Variants in GPD1L observed in about 807,000 individuals in gnomAD.
GPD1L encodes the protein glycerol-3-phosphate dehydrogenase 1 like, also known as glycerol-3-phosphate dehydrogenase 1-like protein.
GPD1L carries 17 observed loss-of-function variants against 32.9 expected under a neutral mutation model. The ratio of observed to expected loss-of-function variants is 0.52; its 90% CI spans 0.35 to 0.78. The LOEUF is 0.78. Among genes scored for constraint, GPD1L ranks in the 30% least tolerant of loss-of-function variants. GPD1L has a pLI of 0.01. For missense variants in GPD1L, 361 were observed against 447.8 expected, an observed-to-expected ratio of 0.81 and a Z score of 1.75; for synonymous variants, 187 against 165.9, an observed-to-expected ratio of 1.13 and a Z score of -0.98.
At chr3:32,133,795 A>G (rs1011574823) in intron 2 of GPD1L, among the ~76,000 whole-genome samples, 7 of 152,244 alleles carry the variant, frequency 4.6e-5, no homozygotes, top group East Asian at 3.8e-4. Flanking sequence ...CTAACAGGTA[A>G]AAGCTCATTG....
chr3:32,143,802 C>A (rs763348919), intron 4 of GPD1L, among the ~76,000 whole-genome samples: 1 of 151,766 alleles, frequency 6.6e-6, no homozygotes, highest in Admixed American at 6.6e-5. Flanking sequence ...ACATGACAAG[C>A]GAAACCTCAT....
At chr3:32,158,481 T>A in intron 5 of GPD1L, 1 of 310,722 alleles carries the variant, frequency 3.2e-6, no homozygotes, top group South Asian at 3.0e-5. Flanking sequence ...TGAAAATTCT[T>A]CAATCCGTGC....
intron 1 of GPD1L, among the ~76,000 whole-genome samples, chr3:32,118,686 A>G (rs551682289): frequency 3.9e-5 from 6 of 152,334 alleles, no homozygotes; most frequent in African/African-American, 1.2e-4. Context: ...ATTGAAAACA[A>G]TGAAAATATT....
chr3:32,115,005 T>C (rs1204181628), intron 1 of GPD1L, among the ~76,000 whole-genome samples: 1 of 152,178 alleles, frequency 6.6e-6, no homozygotes, highest in African/African-American at 2.4e-5. Flanking sequence ...GCAAGATTTA[T>C]TGTGAAGAGC....
At chr3:32,127,768 A>G (rs1700532005) in intron 1 of GPD1L, among the ~76,000 whole-genome samples, 1 of 152,034 alleles carries the variant, frequency 6.6e-6, no homozygotes. Flanking sequence ...GGTCATTTTC[A>G]TGCTTTGGGG....
intron 1 of GPD1L, among the ~76,000 whole-genome samples, chr3:32,109,418 C>A (rs1015734553): frequency 7.9e-5 from 12 of 152,174 alleles, no homozygotes; most frequent in Admixed American, 2.6e-4. Context: ...CCCGTGGCTT[C>A]TTCATTCTGG....
intron 5 of GPD1L, among the ~76,000 whole-genome samples, chr3:32,148,135 A>G (rs2125491569): frequency 6.6e-6 from 1 of 152,338 alleles, no homozygotes; most frequent in South Asian, 2.1e-4. Flanking sequence ...AGCAGGGGGC[A>G]TCGTGAATGC....
intron 1 of GPD1L, among the ~76,000 whole-genome samples, chr3:32,115,752 G>A (rs1442939871): frequency 2.1e-5 from 2 of 95,338 alleles, no homozygotes; most frequent in Admixed American, 1.3e-4. Context: ...TTTCGTGTAC[G>A]TTGAACTTTT....
intron 5 of GPD1L, chr3:32,151,453 T>A (rs981322613): frequency 2.0e-4 from 96 of 470,628 alleles, no homozygotes; most frequent in East Asian, 1.4e-3. Flanking sequence ...CATCTTTTTT[T>A]AAAAAAAGGT....
intron 2 of GPD1L, among the ~76,000 whole-genome samples, chr3:32,130,093 G>T (rs570421549): frequency 3.3e-5 from 5 of 152,108 alleles, no homozygotes; most frequent in Non-Finnish European, 7.4e-5. Flanking sequence ...TGGGGGAAGT[G>T]AATCTGCTGA....
rs955227020 is a variant in GPD1L at position 32,165,997 on chromosome 3, T to A, written c.*87T>A. On this transcript the variant is annotated 3_prime_UTR_variant, in exon 8 of 8. Coordinates refer to ENST00000282541, the MANE Select transcript of GPD1L (RefSeq NM_015141.4). ...TGGAAACCAGGACTTGGCAACATGA[T>A]GTTTGACTGTAATCTCATCACGGAT... 39 of 783,544 alleles carry A rather than the reference T, an allele frequency of 5.0e-5. No individual in the cohort carries two copies. The highest frequency in any genetic ancestry group is 8.4e-5 in the Non-Finnish European group (36 of 430,776). The allele number at this position is 783,544 out of a possible 1,614,324, so 48.5% of individuals were successfully genotyped here.
At chr3:32,116,864 A>G (rs1165219330) in intron 1 of GPD1L, among the ~76,000 whole-genome samples, 1 of 152,170 alleles carries the variant, frequency 6.6e-6, no homozygotes. Flanking sequence ...TCCTCACAGT[A>G]TGAGGTACTG....
At chr3:32,121,507 A>ATG (rs1700412302) in intron 1 of GPD1L, among the ~76,000 whole-genome samples, 2 of 82,386 alleles carry the variant, frequency 2.4e-5, no homozygotes, top group African/African-American at 7.8e-5. Flanking sequence ...ATTTCTCTCT[A>ATG]TATATATTTC....
chr3:32,125,920 T>G (rs1430758174), intron 1 of GPD1L, among the ~76,000 whole-genome samples: 5 of 152,190 alleles, frequency 3.3e-5, no homozygotes, highest in Non-Finnish European at 5.9e-5. Context: ...GTAAAATAAC[T>G]GGAATTCCCC....
Position 32,159,016 on chromosome 3 carries a change from C to G in GPD1L, c.759C>G (p.Thr253=), listed in dbSNP as rs753265220. 8.1e-6 allele frequency: 13 copies of G among 1,613,942 alleles called. No individual in the cohort carries two copies. Among genetic ancestry groups the G allele is most frequent in the East Asian group, 6.7e-5 (3 of 44,894 alleles). Reference sequence around the variant, plus strand: ...GCAAAGGCCAAGTGTCTACAGCCACCTTCCTAGAGAGCTGCGGGGTGGCCG... The same window carrying G: ...GCAAAGGCCAAGTGTCTACAGCCACGTTCCTAGAGAGCTGCGGGGTGGCCG... ...IFCKGQVSTA[T]FLESCGVADL... The change falls in exon 6 of 8, where the codon ACC becomes ACG. Residue 253 remains threonine (T), a synonymous_variant. Transcript: ENST00000282541.
intron 3 of GPD1L, among the ~76,000 whole-genome samples, chr3:32,139,437 T>C (rs1700708038): frequency 6.6e-6 from 1 of 152,242 alleles, no homozygotes; most frequent in African/African-American, 2.4e-5. Flanking sequence ...AGTGCATATA[T>C]TACTTTATCA....
At chr3:32,150,712 A>G (rs967542818) in intron 5 of GPD1L, among the ~76,000 whole-genome samples, 1 of 151,972 alleles carries the variant, frequency 6.6e-6, no homozygotes, top group African/African-American at 2.4e-5. Context: ...TAGCTGGCCA[A>G]CAGATGTATT....
chr3:32,106,902 G>A lies in GPD1L; in HGVS notation c.47+144G>A, dbSNP rs1190694540. ...GGGTGGGCGACCTCGTTGCTGGGCT[G>A]GGCACCGTGCGCCCGAGGAGGCCGC... is the stretch of plus-strand genomic sequence containing the variant. On this transcript the variant is annotated intron_variant, in intron 1 of 7. Transcript: ENST00000282541. The surrounding 1 kb of genome is among the most constrained non-coding windows in gnomAD (Gnocchi z 4.0). 1.0e-5 allele frequency: 7 copies of A among 686,700 alleles called. No individual in the cohort carries two copies. The highest frequency in any genetic ancestry group is 9.4e-5 in the African/African-American group (5 of 53,432). The allele number at this position is 686,700 out of a possible 1,614,324, so 42.5% of individuals were successfully genotyped here.
chr3:32,123,814 A>ATAGATAGG (rs1320030411), intron 1 of GPD1L, among the ~76,000 whole-genome samples: 8 of 142,266 alleles, frequency 5.6e-5, no homozygotes, highest in African/African-American at 2.0e-4. Flanking sequence ...AGATAGATAG[A>ATAGATAGG]TAGATAGATA....
Sources: gnomAD v4.1 joint callset for allele counts (sites outside exome capture counted in the v4.1 genomes callset) on GRCh38, gnomAD v4.1.1 for gene constraint, Gnocchi (gnomAD v3.1) non-coding constraint, MANE v1.5 for transcripts, NCBI Gene and HGNC (gene_info 2026-07-23, HGNC 2026-07-21) for gene names.